The following MYO6 variants were observed in gnomAD, a reference collection of about 807,000 sequenced individuals.
The protein encoded by MYO6 is unconventional myosin-VI.
A neutral mutation model predicts 178.7 loss-of-function variants in MYO6; 74 were observed. The observed-to-expected ratio is 0.41, with a 90% CI of 0.34 to 0.50. The LOEUF (loss-of-function observed/expected upper bound fraction) is 0.50. Ranked by LOEUF, MYO6 falls within the 20% of genes least tolerant of loss-of-function variation. The pLI is 0.09. For synonymous variants in MYO6, 477 were observed against 504.6 expected (o/e 0.95, Z 0.73); for missense variants, 1,330 against 1,547.4 (o/e 0.86, Z 2.36).
intron 30 of MYO6, among the ~76,000 whole-genome samples, chr6:75,905,695 G>C (rs1230677667): frequency 6.6e-6 from 1 of 152,258 alleles, no homozygotes; most frequent in Non-Finnish European, 1.5e-5. Context: ...CGCTCACGCT[G>C]GGAGCTGTAC....
intron 31 of MYO6, 54 bp downstream of exon 31, chr6:75,907,762 A>C (rs771391222): frequency 7.7e-5 from 105 of 1,369,330 alleles, no homozygotes; most frequent in Non-Finnish European, 9.4e-5. Flanking sequence ...ATAGGTGATA[A>C]ATACCTAGAT....
chr6:75,905,981 T>TTTGAAAATCATATTTTCAATTAA (rs1780285714), intron 30 of MYO6, among the ~76,000 whole-genome samples: 1 of 152,248 alleles, frequency 6.6e-6, no homozygotes. Context: ...CAATTAAGTA[T>TTTGAAAATCATATTTTCAATTAA]GTGTCTTCAC....
intron 24 of MYO6, 74 bp from the exon 25 acceptor site, chr6:75,886,770 C>T: frequency 7.2e-7 from 1 of 1,394,952 alleles, no homozygotes; most frequent in Non-Finnish European, 1.0e-6. Flanking sequence ...CCCTGTTTAG[C>T]ATTTTATAAA....
chr6:75,771,267 G>T (rs902042617), intron 1 of MYO6, among the ~76,000 whole-genome samples: 2 of 152,264 alleles, frequency 1.3e-5, no homozygotes, highest in Non-Finnish European at 2.9e-5. Flanking sequence ...CTCCCAAAGT[G>T]CTGGAACTAC....
At position 75,907,794 on chromosome 6, in the gene MYO6, A is replaced by ATGTGTGTG. The variant is rs71002774; in HGVS notation, c.3280+102_3280+109dup. ...AGATTAGGGTGAGGTGTGTGTGTGT[A>ATGTGTGTG]TGTGTGTGTGTGTGTGTGTGTGTAT... On this transcript the variant is annotated intron_variant, in intron 31 of 34. Coordinates refer to ENST00000369977, the MANE Select transcript of MYO6 (RefSeq NM_004999.4). 161,869 of 745,242 alleles carry ATGTGTGTG rather than the reference A, an allele frequency of 0.22. 7,037 individuals carry two copies. Among genetic ancestry groups the ATGTGTGTG allele is most frequent in the Middle Eastern group, 0.29 (1,125 of 3,832 alleles). The allele number at this position is 745,242 out of a possible 1,614,324, so 46.2% of individuals were successfully genotyped here.
At position 75,892,651 on chromosome 6, in the gene MYO6, T is replaced by A. The variant is rs1225230644; in HGVS notation, c.3068T>A (p.Leu1023His). Residue 1023 changes from leucine (L) to histidine (H), a missense_variant, in exon 28 of 35, where the codon CTC (leucine) becomes CAC (histidine). Around this residue, in one of 3 missense-constraint regions of MYO6, gnomAD observed 601 missense variants for 626.1 expected, o/e 0.96. Transcript: ENST00000369977. ...AGGATTGCCCAGAGTGAAGCCGAGC[T>A]CATCAGTGATGAGGCCCAGGCCGAC... ...ALRIAQSEAE[L>H]ISDEAQADLA... 1 of 1,612,710 alleles carries A rather than the reference T, an allele frequency of 6.2e-7. No individual in the cohort carries two copies. The highest frequency in any genetic ancestry group is 8.5e-7 in the Non-Finnish European group (1 of 1,180,004).
At chr6:75,866,390 A>T (rs1656687701) in intron 16 of MYO6, 136 bp from the exon 17 acceptor site, 5 of 678,724 alleles carry the variant, frequency 7.4e-6, no homozygotes. Context: ...CTCAATACAT[A>T]AAAGCAGTAT....
chr6:75,777,427 TTTTC>T (rs1220064634), intron 1 of MYO6, among the ~76,000 whole-genome samples: 30 of 151,974 alleles, frequency 2.0e-4, no homozygotes, highest in African/African-American at 6.5e-4. Context: ...TTTCTTTTTC[TTTTC>T]TTTCTTTTTT....
chr6:75,828,648 A>T (rs1772739019), intron 4 of MYO6, 35 bp downstream of exon 4: 1 of 1,285,610 alleles, frequency 7.8e-7, no homozygotes. Flanking sequence ...GTTTTTGTGG[A>T]GATAATTATT....
intron 3 of MYO6, among the ~76,000 whole-genome samples, chr6:75,824,885 G>C (rs1321257915): frequency 6.6e-6 from 1 of 151,336 alleles, no homozygotes; most frequent in African/African-American, 2.4e-5. Flanking sequence ...TCAGCCTTCT[G>C]AGTAGCTGTG....
chr6:75,784,721 G>A (rs1345907208), intron 1 of MYO6, among the ~76,000 whole-genome samples: 16 of 146,088 alleles, frequency 1.1e-4, no homozygotes, highest in African/African-American at 3.6e-4. Flanking sequence ...AGCTTGCAGC[G>A]AGCCGAGGTC....
At chr6:75,781,710 A>G (rs946378086) in intron 1 of MYO6, among the ~76,000 whole-genome samples, 1 of 152,070 alleles carries the variant, frequency 6.6e-6, no homozygotes, top group African/African-American at 2.4e-5. Flanking sequence ...TCACGAGGTC[A>G]GGAGTTCAGA....
intron 16 of MYO6, among the ~76,000 whole-genome samples, chr6:75,864,243 G>A (rs1228399989): frequency 6.6e-6 from 1 of 152,158 alleles, no homozygotes; most frequent in Non-Finnish European, 1.5e-5. Flanking sequence ...AAACTTAAGT[G>A]AATGGTAACA....
intron 18 of MYO6, chr6:75,867,410 T>A: frequency 3.7e-6 from 1 of 267,478 alleles, no homozygotes; most frequent in Non-Finnish European, 7.2e-6. Flanking sequence ...CCATGTGTTT[T>A]CTGTTTCCTT....
Position 75,830,412 on chromosome 6 carries a change from T to G in MYO6, c.262-4T>G. 5 of 1,609,372 alleles carry G rather than the reference T, an allele frequency of 3.1e-6. No homozygotes were observed. The highest frequency in any genetic ancestry group is 4.3e-6 in the Non-Finnish European group (5 of 1,176,030). On this transcript the variant is annotated splice_region_variant and splice_polypyrimidine_tract_variant and intron_variant, in intron 4 of 34. Coordinates refer to ENST00000369977, the MANE Select transcript of MYO6 (RefSeq NM_004999.4). ...TATTTTATGTTTATGCTTTTCGTAT[T>G]TAGACATATGTCGCCAACATTCTGA...
At chr6:75,791,727 T>G (rs1768270466) in intron 1 of MYO6, among the ~76,000 whole-genome samples, 1 of 152,232 alleles carries the variant, frequency 6.6e-6, no homozygotes, top group African/African-American at 2.4e-5. Context: ...ATGAACAGTT[T>G]AAAATTGTTA....
At chr6:75,815,003 G>A (rs1340536868) in intron 1 of MYO6, among the ~76,000 whole-genome samples, 2 of 152,184 alleles carry the variant, frequency 1.3e-5, no homozygotes, top group Non-Finnish European at 2.9e-5. Context: ...GACACAGAGA[G>A]GAGTAGTCCA....
intron 1 of MYO6, among the ~76,000 whole-genome samples, chr6:75,785,473 C>CTTTTTT (rs11325534): frequency 2.4e-5 from 3 of 126,538 alleles, no homozygotes; most frequent in Non-Finnish European, 3.3e-5. Context: ...CTTTTCTTTT[C>CTTTTTT]TTTTTTTTTT....
intron 1 of MYO6, among the ~76,000 whole-genome samples, chr6:75,759,992 G>A (rs1777808262): frequency 6.6e-6 from 1 of 152,140 alleles, no homozygotes; most frequent in South Asian, 2.1e-4. Flanking sequence ...AAAATCTTTA[G>A]TGACTAAATT....
Sources: allele counts gnomAD v4.1 joint callset (sites outside exome capture counted in the v4.1 genomes callset), GRCh38; gene constraint gnomAD v4.1.1; regional missense constraint gnomAD v4.1.1; transcripts MANE v1.5; gene names NCBI Gene and HGNC (gene_info 2026-07-23, HGNC 2026-07-21).